Variants in IGF2 observed in about 807,000 individuals in gnomAD.
IGF2 encodes insulin like growth factor 2.
IGF2 carries 2 observed loss-of-function variants against 12.0 expected under a neutral mutation model. The ratio of observed to expected loss-of-function variants is 0.17; its 90% CI spans 0.07 to 0.52. The LOEUF is 0.52. IGF2 is among the 20% of genes least tolerant of loss of function. IGF2 has a pLI of 0.95. For synonymous variants in IGF2, 105 were observed against 110.1 expected, an observed-to-expected ratio of 0.95 and a Z score of 0.29; for missense variants, 211 against 268.0, an observed-to-expected ratio of 0.79 and a Z score of 1.48.
chr11:2,133,606 G>A lies in IGF2; in HGVS notation c.217C>T (p.Arg73Cys), dbSNP rs1383314827. ...TCCAGGAGGGCCAGGTCACAGCTGC[G>A]GAAACAGCACTCCTCAACGATGCCA... is the stretch of plus-strand genomic sequence containing the variant. The part of the protein sequence containing the change: ...SRGIVEECCF[R>C]SCDLALLETY... Residue 73 changes from arginine to cysteine, a missense_variant, in exon 3 of 4, where the codon CGC (arginine) becomes TGC (cysteine). Physicochemically the swap from Arg to Cys is radical, Grantham distance 180. Transcript: ENST00000416167. The surrounding 1 kb of genome is among the most constrained non-coding windows in gnomAD (Gnocchi z 8.9). The A allele has an allele frequency of 6.2e-7, 1 of 1,613,054 alleles. No homozygotes were observed. Among genetic ancestry groups the A allele is most frequent in the South Asian group, 1.1e-5 (1 of 91,070 alleles).
rs1213887989 is a variant in IGF2 at position 2,131,602 on chromosome 11, CGTGTGTGCTGTGTGTGCAT to C, written c.*1366_*1384del. ...GCTGTGTTCATGTGTGCTGTGCATG[CGTGTGTGCTGTGTGTGCAT>C]GTGTGTGCTGTGTGCTGTGTTCATG... On this transcript the variant is annotated 3_prime_UTR_variant, in exon 4 of 4. Transcript: ENST00000416167. 4.7e-5 allele frequency: 7 copies of C among 147,414 alleles called. No homozygotes were observed. The highest frequency in any genetic ancestry group is 2.3e-4 in the African/African-American group (7 of 30,684). The allele number at this position is 147,414 out of a possible 1,614,324, so 9.1% of individuals were successfully genotyped here. A position where few individuals can be genotyped will look rare whatever the true frequency, so the allele number is the denominator to read the frequency against.
chr11:2,133,374 C>A lies in IGF2; in HGVS notation c.306+143G>T. The A allele has an allele frequency of 4.7e-6, 5 of 1,057,032 alleles. No individual in the cohort carries two copies. The highest frequency in any genetic ancestry group is 6.8e-6 in the Non-Finnish European group (5 of 740,096). The allele number at this position is 1,057,032 out of a possible 1,614,324, so 65.5% of individuals were successfully genotyped here. A position where few individuals can be genotyped will look rare whatever the true frequency, so the allele number is the denominator to read the frequency against. On this transcript the variant is annotated intron_variant, in intron 3 of 3. Coordinates refer to ENST00000416167, the MANE Select transcript of IGF2 (RefSeq NM_000612.6). The surrounding 1 kb of genome is among the most constrained non-coding windows in gnomAD (Gnocchi z 8.9). ...GGGACAGAAGGAGCCAGCGTCTGAG[C>A]TGCTCCCGGGCCACACAGCAAGCAA...
At chr11:2,140,375 C>T (rs888263758), upstream of IGF2, 12 of 1,358,736 alleles carry the variant, frequency 8.8e-6, no homozygotes, top group African/African-American at 1.2e-4. Context: ...TCCCGCACCC[C>T]GCCAGCCCCC....
At chr11:2,145,494 G>A (rs1055148360), upstream of IGF2, among the ~76,000 whole-genome samples, 6 of 152,230 alleles carry the variant, frequency 3.9e-5, no homozygotes, top group Admixed American at 1.3e-4. Context: ...CCGAGTTGTG[G>A]GTTCTCCTCC....
chr11:2,142,559 T>C (rs1240025095), upstream of IGF2, among the ~76,000 whole-genome samples: 2 of 152,180 alleles, frequency 1.3e-5, no homozygotes, highest in Non-Finnish European at 2.9e-5. The surrounding 1 kb of genome is among the most constrained non-coding windows in gnomAD (Gnocchi z 5.7). Context: ...TGAATGTTCC[T>C]AGAGGGCCTG....
At chr11:2,145,141 C>G (rs1389515308), upstream of IGF2, among the ~76,000 whole-genome samples, 1 of 152,204 alleles carries the variant, frequency 6.6e-6, no homozygotes, top group Non-Finnish European at 1.5e-5. Context: ...CATCTCTCCC[C>G]ACCCATCACT....
the IGF2 span, chr11:2,147,561 C>G: frequency 1.7e-6 from 2 of 1,186,884 alleles, no homozygotes; most frequent in African/African-American, 3.1e-5. This position sits in a 1 kb window ranked among gnomAD's most constrained non-coding sequence, Gnocchi z 7.2. Flanking sequence ...GCCTGAGACA[C>G]TCACCTCTCT....
the IGF2 span, chr11:2,148,543 C>T: frequency 0.045 from 6,931 of 154,200 alleles, 214 homozygotes; most frequent in Non-Finnish European, 0.065. The surrounding 1 kb of genome is among the most constrained non-coding windows in gnomAD (Gnocchi z 4.3). Flanking sequence ...CCTCTCCCGG[C>T]ATTTCTCCTC....
upstream of IGF2, chr11:2,140,845 C>A: frequency 3.0e-6 from 1 of 338,730 alleles, no homozygotes. Context: ...ATCGGCGCGG[C>A]GGGGAGCTCA....
At chr11:2,139,546 G>T (rs1041908749), upstream of IGF2, among the ~76,000 whole-genome samples, 1 of 140,502 alleles carries the variant, frequency 7.1e-6, no homozygotes, top group East Asian at 2.2e-4. Context: ...AGAGCGGGGC[G>T]GGGGGTGCGG....
Position 2,131,173 on chromosome 11 carries a change from C to T in IGF2, c.*1814G>A, listed in dbSNP as rs1858519393. ...GTCATGGTGGAAAGATGGAATTAGGCCTGGGACACACCCCGCCCACCCTAC... is the reference window on the plus strand; with the variant it reads ...GTCATGGTGGAAAGATGGAATTAGGTCTGGGACACACCCCGCCCACCCTAC... On this transcript the variant is annotated 3_prime_UTR_variant, in exon 4 of 4. Coordinates refer to ENST00000416167, the MANE Select transcript of IGF2 (RefSeq NM_000612.6). The T allele has an allele frequency of 4.3e-6, 1 of 233,174 alleles. No individual in the cohort carries two copies. The highest frequency in any genetic ancestry group is 2.2e-5 in the African/African-American group (1 of 45,344). 14.4% of individuals were successfully genotyped at this position (233,174 alleles called of 1,614,324 possible). A position where few individuals can be genotyped will look rare whatever the true frequency, so the allele number is the denominator to read the frequency against.
chr11:2,138,009 C>A (rs1564898597), intron 1 of IGF2, among the ~76,000 whole-genome samples: 3 of 152,280 alleles, frequency 2.0e-5, no homozygotes, highest in Admixed American at 2.0e-4. Flanking sequence ...CCCACCCCAC[C>A]CCCAGCTCCG....
In IGF2 at chr11:2,135,404, G is replaced by A. The variant is rs1432537540; in HGVS notation, c.120C>T (p.Thr40=). 6.2e-7 allele frequency: 1 copy of A among 1,613,506 alleles called. No individual in the cohort carries two copies. The highest frequency in any genetic ancestry group is 8.5e-7 in the Non-Finnish European group (1 of 1,179,934). Residue 40 remains threonine (T), a synonymous_variant, in exon 2 of 4, where the codon ACC becomes ACT. Transcript: ENST00000416167. ...CGCGGTCCCCACAGACGAACTGGAG[G>A]GTGTCCACCAGCTCCCCGCCGCACA... ...ETLCGGELVD[T]LQFVCGDRGF... is the part of the protein sequence containing the mutation.
chr11:2,140,214 C>G (rs1366567461), upstream of IGF2: 3 of 1,613,368 alleles, frequency 1.9e-6, no homozygotes, highest in Non-Finnish European at 2.5e-6. Context: ...AATGGTTACC[C>G]CGTCCTCAGT....
the IGF2 span, chr11:2,147,274 T>C: frequency 6.5e-6 from 2 of 305,904 alleles, no homozygotes; most frequent in African/African-American, 2.1e-5. The surrounding 1 kb of genome is among the most constrained non-coding windows in gnomAD (Gnocchi z 7.2). Flanking sequence ...CTGCCCGCTC[T>C]CTCCCTGCCC....
the IGF2 span, chr11:2,147,413 A>G: frequency 4.0e-5 from 16 of 404,924 alleles, no homozygotes; most frequent in East Asian, 5.0e-4. The surrounding 1 kb of genome is among the most constrained non-coding windows in gnomAD (Gnocchi z 7.2). Flanking sequence ...CCTGGAGCCA[A>G]CCACGGAACT....
At chr11:2,142,570 G>C (rs1382514752), upstream of IGF2, among the ~76,000 whole-genome samples, 4 of 152,232 alleles carry the variant, frequency 2.6e-5, no homozygotes, top group Non-Finnish European at 5.9e-5. This position sits in a 1 kb window ranked among gnomAD's most constrained non-coding sequence, Gnocchi z 5.7. Context: ...AGAGGGCCTG[G>C]AGGGCAGCGT....
Position 2,131,890 on chromosome 11 carries a change from G to A in IGF2, c.*1097C>T, listed in dbSNP as rs1858614540. On this transcript the variant is annotated 3_prime_UTR_variant, in exon 4 of 4. Coordinates refer to ENST00000416167, the MANE Select transcript of IGF2 (RefSeq NM_000612.6). Reference sequence around the variant, plus strand: ...GTGTGCGTGTGTGCTGTGCGTTTGTGTGTGCTGTGCGTTTGTGTGTGTGCT... The same window carrying A: ...GTGTGCGTGTGTGCTGTGCGTTTGTATGTGCTGTGCGTTTGTGTGTGTGCT... 1 of 172,946 alleles carries A rather than the reference G, an allele frequency of 5.8e-6. No individual in the cohort carries two copies. The highest frequency in any genetic ancestry group is 2.6e-5 in the African/African-American group (1 of 37,968). The allele number at this position is 172,946 out of a possible 1,614,324, so 10.7% of individuals were successfully genotyped here.
upstream of IGF2, chr11:2,140,569 G>C: frequency 2.0e-6 from 1 of 490,524 alleles, no homozygotes; most frequent in Non-Finnish European, 3.7e-6. Context: ...TCTCCTCCGC[G>C]TCCCTCGCCC....
Sources: gnomAD v4.1 joint callset for allele counts (sites outside exome capture counted in the v4.1 genomes callset) on GRCh38, gnomAD v4.1.1 for gene constraint, Gnocchi (gnomAD v3.1) non-coding constraint, MANE v1.5 for transcripts, NCBI Gene and HGNC (gene_info 2026-07-23, HGNC 2026-07-21) for gene names.